The following YES1 variants were observed in gnomAD, a reference collection of about 807,000 sequenced individuals.
YES1 encodes the protein YES proto-oncogene 1, Src family tyrosine kinase, also known as tyrosine-protein kinase Yes.
YES1 carries 39 observed loss-of-function variants against 70.4 expected under a neutral mutation model. The observed-to-expected ratio is 0.55, with a 90% confidence interval of 0.43 to 0.72. YES1 has a LOEUF of 0.72. YES1 is among the 30% of genes least tolerant of loss of function. The pLI, the probability that YES1 is intolerant of heterozygous loss-of-function variation, is 0.00. For missense variants in YES1, 495 were observed against 644.8 expected, an observed-to-expected ratio of 0.77 and a Z score of 2.52; for synonymous variants, 198 against 218.6, an observed-to-expected ratio of 0.91 and a Z score of 0.83.
At chr18:773,347 G>C (rs1030059908) in intron 1 of YES1, among the ~76,000 whole-genome samples, 1 of 152,124 alleles carries the variant, frequency 6.6e-6, no homozygotes, top group South Asian at 2.1e-4. Context: ...CCTGGATAAC[G>C]GGCAAGAGAA....
intron 6 of YES1, 56 bp from the exon 7 acceptor site, chr18:743,471 T>G: frequency 4.9e-6 from 7 of 1,417,152 alleles, no homozygotes; most frequent in Non-Finnish European, 6.7e-6. Flanking sequence ...AAGGGGCATA[T>G]AGTGTATCAA....
chr18:732,826 A>T lies in YES1; in HGVS notation c.1423+8T>A, dbSNP rs371888565. On this transcript the variant is annotated splice_region_variant and intron_variant, in intron 11 of 11. Coordinates refer to ENST00000314574, the MANE Select transcript of YES1 (RefSeq NM_005433.4). ...GAGATAACCAAGAGCTATAAAATGCAAGCTTACCTGGATATGGCACTCGGC... is the reference window on the plus strand; with the variant it reads ...GAGATAACCAAGAGCTATAAAATGCTAGCTTACCTGGATATGGCACTCGGC... The T allele has an allele frequency of 3.0e-5, 49 of 1,614,130 alleles. No homozygotes were observed. The African/African-American group carries it at 6.1e-4, about 20-fold the overall frequency.
intron 9 of YES1, 189 bp downstream of exon 9, chr18:739,546 A>C: frequency 2.4e-6 from 1 of 419,396 alleles, no homozygotes; most frequent in Non-Finnish European, 4.2e-6. Flanking sequence ...AAGGCTCTTC[A>C]AGCACGGAGC....
chr18:769,717 T>C (rs1905072824), intron 1 of YES1, among the ~76,000 whole-genome samples: 2 of 152,244 alleles, frequency 1.3e-5, no homozygotes. Context: ...TGAATTTTAC[T>C]AATTGATTAT....
chr18:725,074 T>G (rs1396214472), intron 11 of YES1, among the ~76,000 whole-genome samples: 1 of 152,214 alleles, frequency 6.6e-6, no homozygotes, highest in Non-Finnish European at 1.5e-5. Flanking sequence ...ACTACATAAC[T>G]TTATATTGAA....
intron 1 of YES1, among the ~76,000 whole-genome samples, chr18:765,606 G>T (rs1022493352): frequency 6.6e-6 from 1 of 151,702 alleles, no homozygotes; most frequent in African/African-American, 2.4e-5. Context: ...CACCTTATTG[G>T]CCAGTCTGGT....
At chr18:761,645 C>G (rs1904600687) in intron 1 of YES1, among the ~76,000 whole-genome samples, 3 of 152,278 alleles carry the variant, frequency 2.0e-5, no homozygotes, top group African/African-American at 2.4e-5. Context: ...TGTCCTCCAG[C>G]CTCATTTTCT....
intron 1 of YES1, among the ~76,000 whole-genome samples, chr18:771,655 C>G (rs1213756410): frequency 1.3e-5 from 2 of 151,780 alleles, no homozygotes; most frequent in East Asian, 3.9e-4. Context: ...CTCAAACTAT[C>G]CTCCCACCTC....
intron 1 of YES1, among the ~76,000 whole-genome samples, chr18:759,531 A>G (rs781354282): frequency 1.3e-5 from 2 of 152,162 alleles, no homozygotes; most frequent in Non-Finnish European, 2.9e-5. Context: ...TTTTGTATCT[A>G]TGAGTTCTGC....
At chr18:758,500 G>A (rs1322226873) in intron 1 of YES1, among the ~76,000 whole-genome samples, 1 of 152,118 alleles carries the variant, frequency 6.6e-6, no homozygotes, top group African/African-American at 2.4e-5. Context: ...CATATGCCCT[G>A]TGCTTTCCCA....
chr18:754,668 C>G (rs754615156), intron 2 of YES1, among the ~76,000 whole-genome samples: 1 of 150,006 alleles, frequency 6.7e-6, no homozygotes, highest in African/African-American at 2.5e-5. Flanking sequence ...GCCAAGACTG[C>G]GCCACTGCAC....
chr18:755,721 T>C (rs2080398098), intron 2 of YES1, among the ~76,000 whole-genome samples: 1 of 152,084 alleles, frequency 6.6e-6, no homozygotes, highest in South Asian at 2.1e-4. Flanking sequence ...AAGCAGACAC[T>C]CCCAAGGGCT....
At chr18:747,862 G>A (rs1305422592) in intron 4 of YES1, 58 bp downstream of exon 4, 4 of 1,498,206 alleles carry the variant, frequency 2.7e-6, no homozygotes, top group African/African-American at 1.4e-5. Context: ...TAAGTAGAAT[G>A]TGCATTAAAA....
intron 1 of YES1, among the ~76,000 whole-genome samples, chr18:810,581 C>A (rs919322710): frequency 2.6e-5 from 4 of 152,164 alleles, no homozygotes; most frequent in Non-Finnish European, 5.9e-5. Flanking sequence ...GCCCTTTTAT[C>A]TTTTATCCTG....
chr18:780,985 T>C (rs953973246), intron 1 of YES1, among the ~76,000 whole-genome samples: 4 of 152,132 alleles, frequency 2.6e-5, no homozygotes, highest in South Asian at 2.1e-4. Flanking sequence ...ATAGAAGACC[T>C]TGGCCAGGGG....
At position 780,700 on chromosome 18, in the gene YES1, G is replaced by A. The variant is rs188708702; in HGVS notation, c.-8-23865C>T. On this transcript the variant is annotated intron_variant, in intron 1 of 11. Transcript: ENST00000314574. ...TGACCATACTGCCCTGTAATCTCTA[G>A]AATTCTTCCATTTCTCCCCCAACTA... 3.3e-5 allele frequency among the ~76,000 whole-genome samples: 5 copies of A among 152,214 alleles called. No individual in the cohort carries two copies. The East Asian group carries it at 7.7e-4, about 24-fold the overall frequency.
At chr18:751,920 C>A in intron 2 of YES1, 116 bp from the exon 3 acceptor site, 1 of 693,036 alleles carries the variant, frequency 1.4e-6, no homozygotes. Flanking sequence ...TCTGTAGTCT[C>A]CAGAAACTAT....
chr18:751,407 CTT>C lies in YES1; in HGVS notation c.371+296_371+297del, dbSNP rs530552541. On this transcript the variant is annotated intron_variant, in intron 3 of 11. Transcript: ENST00000314574. ...TAGAAAAATAGGAGCATCAAACTCTCTTTATAAAGTTTTTTAAAAAAATAATA... is the reference window on the plus strand; with the variant it reads ...TAGAAAAATAGGAGCATCAAACTCTCTATAAAGTTTTTTAAAAAAATAATA... Among the ~76,000 whole-genome samples the C allele has an allele frequency of 4.7e-3, 721 of 152,198 alleles. 6 individuals are homozygous for C. The highest frequency in any genetic ancestry group is 0.017 in the African/African-American group (692 of 41,526).
intron 1 of YES1, among the ~76,000 whole-genome samples, chr18:802,866 T>C (rs901680531): frequency 4.0e-5 from 6 of 151,446 alleles, no homozygotes; most frequent in African/African-American, 1.5e-4. Context: ...GTGGATCGCT[T>C]GAGCCCAGGA....
Sources: allele counts gnomAD v4.1 joint callset (sites outside exome capture counted in the v4.1 genomes callset), GRCh38; gene constraint gnomAD v4.1.1; transcripts MANE v1.5; gene names NCBI Gene and HGNC (gene_info 2026-07-23, HGNC 2026-07-21).